Variants in ASTN2 observed in about 807,000 individuals in gnomAD.
ASTN2 encodes astrotactin 2.
In ASTN2, 54 loss-of-function variants were observed where a neutral mutation model predicts 139.8. That is an observed-to-expected ratio of 0.39 (90% confidence interval 0.31 to 0.48). The LOEUF (loss-of-function observed/expected upper bound fraction) is 0.48. ASTN2 is among the 20% of genes least tolerant of loss of function. The probability of loss-of-function intolerance (pLI) is 0.95; values close to 1 mark genes in which losing one functional copy is unlikely to be tolerated. For missense variants in ASTN2, 1,565 were observed against 1,725.1 expected, an observed-to-expected ratio of 0.91 and a Z score of 1.64; for synonymous variants, 756 against 719.5, an observed-to-expected ratio of 1.05 and a Z score of -0.81.
intron 10 of ASTN2, among the ~76,000 whole-genome samples, chr9:116,938,495 CT>C (rs1835136141): frequency 6.6e-6 from 1 of 152,188 alleles, no homozygotes; most frequent in South Asian, 2.1e-4. Flanking sequence ...ATCAACGGCA[CT>C]GCCCTTGAGC....
intron 13 of ASTN2, 127 bp downstream of exon 13, chr9:116,805,505 C>G: frequency 1.2e-6 from 1 of 838,222 alleles, no homozygotes. Context: ...AAGAGGGTAC[C>G]TGTGAGCTTA....
At chr9:116,477,416 A>AC (rs1425866308) in intron 20 of ASTN2, among the ~76,000 whole-genome samples, 2 of 151,926 alleles carry the variant, frequency 1.3e-5, no homozygotes, top group Admixed American at 1.3e-4. Context: ...CAGCCAAGGG[A>AC]AGTTCACATT....
chr9:116,975,353 G>A lies in ASTN2; in HGVS notation c.1752-8C>T, dbSNP rs750326004. 2.5e-6 allele frequency: 4 copies of A among 1,594,926 alleles called. 1 individual carries two copies. Among genetic ancestry groups the A allele is most frequent in the East Asian group, 4.5e-5 (2 of 44,186 alleles). ...CCCAAGCTGAAAGTAGACCTGCAAT[G>A]TAAGAGTTTCCATTGGGGAACTCCC... On this transcript the variant is annotated splice_polypyrimidine_tract_variant and splice_region_variant and intron_variant, in intron 9 of 22. Coordinates refer to ENST00000313400, the MANE Select transcript of ASTN2 (RefSeq NM_001365068.1).
chr9:116,466,505 C>T (rs939621777), intron 20 of ASTN2, among the ~76,000 whole-genome samples: 21 of 152,192 alleles, frequency 1.4e-4, no homozygotes, highest in African/African-American at 4.6e-4. Flanking sequence ...TGTGACCTTC[C>T]TCACCTATTC....
intron 20 of ASTN2, among the ~76,000 whole-genome samples, chr9:116,445,572 C>T (rs1365325297): frequency 6.6e-6 from 1 of 152,180 alleles, no homozygotes; most frequent in Non-Finnish European, 1.5e-5. Flanking sequence ...AGCCAAGCAG[C>T]ATGAATAAGA....
chr9:117,071,842 T>C (rs1828140357), intron 5 of ASTN2, among the ~76,000 whole-genome samples: 1 of 152,072 alleles, frequency 6.6e-6, no homozygotes, highest in South Asian at 2.1e-4. Flanking sequence ...GCTTCCCAGG[T>C]GAGGCAATGC....
intron 1 of ASTN2, among the ~76,000 whole-genome samples, chr9:117,320,830 C>G (rs2130830799): frequency 6.6e-6 from 1 of 152,294 alleles, no homozygotes; most frequent in South Asian, 2.1e-4. Flanking sequence ...CATAGCCAAT[C>G]AGAAGAACAG....
chr9:117,379,299 A>G (rs1269390308), intron 1 of ASTN2, among the ~76,000 whole-genome samples: 3 of 152,100 alleles, frequency 2.0e-5, no homozygotes. Flanking sequence ...GTGAGGCAAG[A>G]CGCCCCTTGC....
At chr9:116,789,141 T>C (rs1011327191) in intron 13 of ASTN2, among the ~76,000 whole-genome samples, 1 of 152,196 alleles carries the variant, frequency 6.6e-6, no homozygotes, top group African/African-American at 2.4e-5. Context: ...AGAGCAACTT[T>C]AGTTCTCTGA....
intron 10 of ASTN2, among the ~76,000 whole-genome samples, chr9:116,963,072 G>A (rs1395626671): frequency 1.3e-5 from 2 of 152,162 alleles, no homozygotes; most frequent in Non-Finnish European, 2.9e-5. Context: ...AGGGCAGAAA[G>A]GGATACTAAA....
intron 19 of ASTN2, among the ~76,000 whole-genome samples, chr9:116,501,855 TAA>T (rs1034675661): frequency 7.8e-5 from 11 of 141,278 alleles, no homozygotes; most frequent in African/African-American, 2.6e-4. Flanking sequence ...AGTATAATAA[TAA>T]AAAAAAAAAA....
chr9:116,804,094 C>A (rs1364689984), intron 13 of ASTN2, among the ~76,000 whole-genome samples: 1 of 151,980 alleles, frequency 6.6e-6, no homozygotes, highest in South Asian at 2.1e-4. Flanking sequence ...TGCCCAATAA[C>A]CAGCATGGTA....
rs781359060 is a variant in ASTN2 at position 116,699,286 on chromosome 9, G to A, written c.2806+26485C>T. 1.7e-5 allele frequency: 28 copies of A among 1,614,070 alleles called. No individual in the cohort carries two copies. Among genetic ancestry groups the A allele is most frequent in the African/African-American group, 5.3e-5 (4 of 74,936 alleles). On this transcript the variant is annotated intron_variant, in intron 16 of 22. Coordinates refer to ENST00000313400, the MANE Select transcript of ASTN2 (RefSeq NM_001365068.1). The surrounding 1 kb of genome is among the most constrained non-coding windows in gnomAD (Gnocchi z 4.2). Reference sequence around the variant, plus strand: ...TACAGCTGCCTATGTAGTGCTGTGCGGCCCAAATTTGTCACCTGTGATGCT... The same window carrying A: ...TACAGCTGCCTATGTAGTGCTGTGCAGCCCAAATTTGTCACCTGTGATGCT...
In ASTN2 at chr9:116,855,117, C is replaced by A. The variant is rs150872425; in HGVS notation, c.2040+8466G>T. Among the ~76,000 whole-genome samples the A allele has an allele frequency of 2.6e-5, 4 of 151,776 alleles. No individual in the cohort carries two copies. The South Asian group carries it at 8.3e-4, about 32-fold the overall frequency. Reference sequence around the variant, plus strand: ...CAGACCCAGCAAATCCAAGTCCCAACGAAATAAAATAAGGGGAAAAATAGA... The same window carrying A: ...CAGACCCAGCAAATCCAAGTCCCAAAGAAATAAAATAAGGGGAAAAATAGA... On this transcript the variant is annotated intron_variant, in intron 11 of 22. Transcript: ENST00000313400.
chr9:116,533,532 C>T (rs901333166), intron 19 of ASTN2, among the ~76,000 whole-genome samples: 3 of 152,058 alleles, frequency 2.0e-5, no homozygotes, highest in Non-Finnish European at 4.4e-5. Flanking sequence ...TCAGAAATGT[C>T]CCATCAACAC....
intron 19 of ASTN2, among the ~76,000 whole-genome samples, chr9:116,533,364 C>A (rs1851452302): frequency 6.6e-6 from 1 of 152,162 alleles, no homozygotes; most frequent in Non-Finnish European, 1.5e-5. Context: ...CTTTCTCCTG[C>A]CTGATTGCCC....
chr9:116,605,123 G>A (rs566885557), intron 19 of ASTN2, among the ~76,000 whole-genome samples: 62 of 151,168 alleles, frequency 4.1e-4, no homozygotes, highest in African/African-American at 1.4e-3. Flanking sequence ...GAAGGAGAGA[G>A]GAAAGGAAAT....
intron 1 of ASTN2, among the ~76,000 whole-genome samples, chr9:117,366,600 A>G (rs1202837638): frequency 1.3e-5 from 2 of 151,994 alleles, no homozygotes; most frequent in African/African-American, 4.8e-5. Flanking sequence ...TTATTGTACT[A>G]TGAGTACCCA....
intron 16 of ASTN2, among the ~76,000 whole-genome samples, chr9:116,682,211 C>T (rs201016685): frequency 3.9e-5 from 6 of 152,188 alleles, no homozygotes; most frequent in South Asian, 4.1e-4. Context: ...AAAAAGTGGA[C>T]GAAGGACATG....
Sources: allele counts gnomAD v4.1 joint callset (sites outside exome capture counted in the v4.1 genomes callset), GRCh38; gene constraint gnomAD v4.1.1; non-coding constraint Gnocchi (gnomAD v3.1); transcripts MANE v1.5; gene names NCBI Gene and HGNC (gene_info 2026-07-23, HGNC 2026-07-21).